Variants in ABI3BP observed in about 807,000 individuals in gnomAD.
The protein encoded by ABI3BP is ABI family member 3 binding protein, also known as target of Nesh-SH3.
Under a neutral mutation model 268.6 loss-of-function variants are expected in ABI3BP, and 216 were observed. The ratio of observed to expected loss-of-function variants is 0.80; its 90% CI spans 0.72 to 0.90. ABI3BP has a LOEUF of 0.90. Among genes scored for constraint, ABI3BP ranks in the 40% least tolerant of loss-of-function variants. ABI3BP has a pLI of 0.00. For synonymous variants in ABI3BP, 730 were observed against 730.0 expected (o/e 1.00, Z 0.00); for missense variants, 2,090 against 2,182.4 (o/e 0.96, Z 0.84).
intron 1 of ABI3BP, among the ~76,000 whole-genome samples, chr3:100,935,151 T>C (rs1458587997): frequency 1.3e-5 from 2 of 152,224 alleles, no homozygotes; most frequent in South Asian, 4.1e-4. Flanking sequence ...AGTTAATTTT[T>C]GTATAAGGTG....
chr3:100,804,687 A>C, intron 51 of ABI3BP, 105 bp downstream of exon 51: 1 of 1,022,038 alleles, frequency 9.8e-7, no homozygotes, highest in Non-Finnish European at 1.5e-6. Context: ...ATGGGATTTA[A>C]ACATAAGTGA....
Position 100,790,390 on chromosome 3 carries a change from A to G in ABI3BP, c.4025-874T>C, listed in dbSNP as rs181541532. Among the ~76,000 whole-genome samples the G allele has an allele frequency of 4.0e-5, 6 of 151,606 alleles. No homozygotes were observed. In the East Asian group the frequency reaches 9.7e-4, roughly 25 times the overall value. On this transcript the variant is annotated intron_variant, in intron 55 of 67. Coordinates refer to ENST00000471714, the MANE Select transcript of ABI3BP (RefSeq NM_001375547.2). ...CTTTCTTGGTAATGTTTTTGGAAAA[A>G]TTTTTTCTTGCAAACTTTGTAAGTA...
At chr3:100,992,891 A>T (rs561292566) in intron 1 of ABI3BP, among the ~76,000 whole-genome samples, 4 of 152,354 alleles carry the variant, frequency 2.6e-5, no homozygotes, top group South Asian at 4.1e-4. Flanking sequence ...CACACCAAAG[A>T]TTCAAGGTTT....
At chr3:100,881,644 CA>C (rs1038366453) in intron 6 of ABI3BP, among the ~76,000 whole-genome samples, 2 of 144,398 alleles carry the variant, frequency 1.4e-5, no homozygotes, top group Admixed American at 7.2e-5. Flanking sequence ...GTTTTACCTT[CA>C]AAAAAAAGAG....
At chr3:100,961,425 A>G (rs2153818784) in intron 1 of ABI3BP, among the ~76,000 whole-genome samples, 1 of 152,352 alleles carries the variant, frequency 6.6e-6, no homozygotes, top group Middle Eastern at 3.4e-3. Flanking sequence ...CAAAAGATTG[A>G]GAAATGAAAT....
rs755329982 is a variant in ABI3BP at position 100,987,777 on chromosome 3, G to A, written c.79+5529C>T. Among the ~76,000 whole-genome samples, 7 of 152,304 alleles carry A rather than the reference G, an allele frequency of 4.6e-5. 1 individual carries two copies. Among genetic ancestry groups the A allele is most frequent in the Middle Eastern group, 6.8e-3 (2 of 294 alleles). On this transcript the variant is annotated intron_variant, in intron 1 of 67. Transcript: ENST00000471714. ...ATGGAGATAATAATATTTCACAGGT[G>A]TGAGGATAAAATGAGATAATTTACA...
intron 59 of ABI3BP, among the ~76,000 whole-genome samples, chr3:100,775,546 A>G (rs1273734318): frequency 6.6e-6 from 1 of 152,156 alleles, no homozygotes; most frequent in Non-Finnish European, 1.5e-5. Context: ...GTGAAAAAGT[A>G]CTAGATAACA....
At chr3:100,768,853 A>T (rs2096435668) in intron 62 of ABI3BP, among the ~76,000 whole-genome samples, 1 of 152,232 alleles carries the variant, frequency 6.6e-6, no homozygotes, top group South Asian at 2.1e-4. Context: ...AACAACTTGA[A>T]GTTGCCCAAG....
intron 53 of ABI3BP, 146 bp downstream of exon 53, chr3:100,795,658 T>A: frequency 1.5e-6 from 1 of 654,598 alleles, no homozygotes; most frequent in African/African-American, 2.0e-5. Context: ...TAATTGCTTT[T>A]CTGTTTTGGA....
intron 62 of ABI3BP, 77 bp from the exon 63 acceptor site, chr3:100,766,026 A>T (rs2096254378): frequency 5.6e-6 from 6 of 1,073,072 alleles, no homozygotes; most frequent in South Asian, 1.4e-5. Context: ...CTAATAGCAT[A>T]AAAAAGCCAC....
chr3:100,828,255 T>G lies in ABI3BP; in HGVS notation c.2602+138A>C, dbSNP rs1386833179. ...CAAACTAGATTCAGATGTAGCTCTC[T>G]TATGAGCAAGAGGCAACTTGTTTTA... On this transcript the variant is annotated intron_variant, in intron 34 of 67. Coordinates refer to ENST00000471714, the MANE Select transcript of ABI3BP (RefSeq NM_001375547.2). 1.2e-5 allele frequency: 8 copies of G among 694,404 alleles called. No homozygotes were observed. In the East Asian group the frequency reaches 2.2e-4, roughly 19 times the overall value. The allele number at this position is 694,404 out of a possible 1,614,324, so 43.0% of individuals were successfully genotyped here.
chr3:100,947,435 C>A (rs1191121487), intron 1 of ABI3BP, among the ~76,000 whole-genome samples: 1 of 152,066 alleles, frequency 6.6e-6, no homozygotes, highest in East Asian at 1.9e-4. Context: ...CTTTAAATTG[C>A]AGAAATAAGA....
Position 100,794,868 on chromosome 3 carries a change from A to C in ABI3BP, c.3946+55T>G, listed in dbSNP as rs1483925384. 12 of 1,329,148 alleles carry C rather than the reference A, an allele frequency of 9.0e-6. No homozygotes were observed. In the Admixed American group the frequency reaches 1.0e-4, roughly 11 times the overall value. 82.3% of individuals were successfully genotyped at this position (1,329,148 alleles called of 1,614,324 possible). ...AACATAATGTATTATGGTTACTTTA[A>C]GGGAAATTCCTAAAAGGCAAGCTCT... On this transcript the variant is annotated intron_variant, in intron 54 of 67. Coordinates refer to ENST00000471714, the MANE Select transcript of ABI3BP (RefSeq NM_001375547.2).
rs1306785051 is a variant in ABI3BP, at chr3:100,926,431, G to T, written c.130C>A (p.Leu44Ile). The T allele has an allele frequency of 9.9e-6, 16 of 1,613,300 alleles. No homozygotes were observed. The highest frequency in any genetic ancestry group is 1.2e-5 in the Non-Finnish European group (14 of 1,179,564). The change falls in exon 2 of 68, where the codon CTC becomes ATC. Residue 44 changes from leucine to isoleucine, a missense_variant. Physicochemically the swap from Leu to Ile is conservative, Grantham distance 5 (BLOSUM62 2). Coordinates refer to ENST00000471714, the MANE Select transcript of ABI3BP (RefSeq NM_001375547.2). The stretch of plus-strand genomic sequence containing the variant: ...GGACTTGGACGCAAGAACTTCAAGA[G>T]GATGGAGTCACTTGTGGTATTGATG... ...VHINTTSDSI[L>I]LKFLRPSPNV...
chr3:100,761,304 T>A (rs61377609), intron 63 of ABI3BP, among the ~76,000 whole-genome samples: 1 of 152,128 alleles, frequency 6.6e-6, no homozygotes, highest in African/African-American at 2.4e-5. Flanking sequence ...TGTTAACATC[T>A]CTTTTGCATC....
chr3:100,827,235 T>C (rs1215309110), intron 34 of ABI3BP, among the ~76,000 whole-genome samples: 2 of 152,176 alleles, frequency 1.3e-5, no homozygotes, highest in Non-Finnish European at 2.9e-5. Flanking sequence ...TGTGTTCAAC[T>C]AGCCTGCACA....
intron 1 of ABI3BP, among the ~76,000 whole-genome samples, chr3:100,957,219 A>G (rs923943222): frequency 6.6e-6 from 1 of 152,208 alleles, no homozygotes; most frequent in Non-Finnish European, 1.5e-5. Flanking sequence ...TTTCTTGATA[A>G]AAGTTGAAAG....
rs1469514152 is a variant in ABI3BP, at chr3:100,874,985, A to T, written c.818-52T>A. 2.2e-5 allele frequency: 24 copies of T among 1,085,720 alleles called. No homozygotes were observed. In the East Asian group the frequency reaches 5.9e-4, roughly 26 times the overall value. 67.3% of individuals were successfully genotyped at this position (1,085,720 alleles called of 1,614,324 possible). A position where few individuals can be genotyped will look rare whatever the true frequency, so the allele number is the denominator to read the frequency against. On this transcript the variant is annotated intron_variant, in intron 8 of 67. Transcript: ENST00000471714. ...TAAGGGGAAGAAAGTGCATCATGAC[A>T]TAAAATGAAGCTCAGCACATCAGAT...
chr3:100,822,442 A>G lies in ABI3BP; in HGVS notation c.2887+147T>C, dbSNP rs2098258054. The G allele has an allele frequency of 1.4e-5, 9 of 621,510 alleles. No individual in the cohort carries two copies. The South Asian group carries it at 2.2e-4, about 15-fold the overall frequency. The allele number at this position is 621,510 out of a possible 1,614,324, so 38.5% of individuals were successfully genotyped here. On this transcript the variant is annotated intron_variant, in intron 38 of 67. Coordinates refer to ENST00000471714, the MANE Select transcript of ABI3BP (RefSeq NM_001375547.2). ...GATCTCCTAACAGTGTTTCTCTTAC[A>G]TCTTCACAGTGGGATCTGCTGCTAA...
Sources: allele counts gnomAD v4.1 joint callset (sites outside exome capture counted in the v4.1 genomes callset), GRCh38; gene constraint gnomAD v4.1.1; transcripts MANE v1.5; gene names NCBI Gene and HGNC (gene_info 2026-07-23, HGNC 2026-07-21).